GSTT4: variants seen among roughly 807,000 people sequenced by gnomAD.
GSTT4 encodes the protein glutathione S-transferase theta 4.
At chr22:23,991,850 C>T in the GSTT4 span, among the ~76,000 whole-genome samples, 20 of 128,598 alleles carry the variant, frequency 1.6e-4, 1 homozygote, top group East Asian at 2.2e-4. Context: ...GTCAGGAGAT[C>T]GAGACCATAC....
intron 1 of GSTT4, among the ~76,000 whole-genome samples, 164 bp from the exon 2 acceptor site, chr22:24,004,011 A>G (rs2034297015): frequency 6.6e-6 from 1 of 152,282 alleles, no homozygotes; most frequent in Non-Finnish European, 1.5e-5. Context: ...GCAGTTGCAG[A>G]ACCGGACTGC....
intron 4 of GSTT4, among the ~76,000 whole-genome samples, chr22:23,999,235 C>G (rs35751554): frequency 2.2e-4 from 34 of 152,272 alleles, no homozygotes; most frequent in Admixed American, 3.9e-4. Flanking sequence ...CTTTGGGAAG[C>G]CCAAGAATGG....
At chr22:23,994,081 G>C (rs1318234498), downstream of GSTT4, among the ~76,000 whole-genome samples, 1 of 152,142 alleles carries the variant, frequency 6.6e-6, no homozygotes, top group Non-Finnish European at 1.5e-5. Flanking sequence ...AAATGGAAGG[G>C]CTTTTAGCTT....
At chr22:24,004,585 G>C (rs1397865166) in intron 1 of GSTT4, 1 of 153,204 alleles carries the variant, frequency 6.5e-6, no homozygotes, top group Non-Finnish European at 1.5e-5. Context: ...GGTGTAGACG[G>C]ACTGTGCACT....
chr22:23,992,920 G>T, the GSTT4 span, among the ~76,000 whole-genome samples: 2 of 139,510 alleles, frequency 1.4e-5, no homozygotes, highest in Non-Finnish European at 3.2e-5. Context: ...GACCACATGC[G>T]CATGCCACCA....
intron 2 of GSTT4, among the ~76,000 whole-genome samples, chr22:24,002,974 T>C (rs1349965253): frequency 6.6e-6 from 1 of 152,258 alleles, no homozygotes; most frequent in African/African-American, 2.4e-5. Context: ...TGAGGTATCT[T>C]AATGGTATCG....
downstream of GSTT4, among the ~76,000 whole-genome samples, chr22:23,995,877 T>G (rs6004011): frequency 0.25 from 37,306 of 151,678 alleles, 5,600 homozygotes; most frequent in African/African-American, 0.47. Flanking sequence ...ATTTTGTTTT[T>G]CATCCTTTAT....
the GSTT4 span, among the ~76,000 whole-genome samples, chr22:23,991,670 GCTC>G: frequency 7.9e-6 from 1 of 125,998 alleles, no homozygotes; most frequent in African/African-American, 2.8e-5. Flanking sequence ...TCATCCCTTG[GCTC>G]CTAGAACTTT....
intron 2 of GSTT4, among the ~76,000 whole-genome samples, 159 bp from the exon 3 acceptor site, chr22:24,001,484 G>A (rs911093505): frequency 6.6e-5 from 10 of 152,276 alleles, no homozygotes; most frequent in Admixed American, 1.3e-4. Context: ...CTGTCTGACA[G>A]TCAGTAAGGG....
chr22:23,993,923 C>T (rs1016160354), downstream of GSTT4, among the ~76,000 whole-genome samples: 7 of 152,140 alleles, frequency 4.6e-5, no homozygotes, highest in African/African-American at 1.7e-4. Context: ...GGGGAGTTTT[C>T]CTCCCTTCCC....
chr22:24,001,212 G>A lies in GSTT4; in HGVS notation c.314C>T (p.Ala105Val), dbSNP rs2034222419. ...VDEFVAWQHT[A>V]FQLPMKKIVW... The stretch of plus-strand genomic sequence containing the variant: ...TATCTTCTTCATGGGCAGCTGAAAG[G>A]CCGTGTGTTGCCAAGCCACGAACTC... Residue 105 changes from alanine to valine, a missense_variant, in exon 3 of 5, where the codon GCC becomes GTC. Physicochemically the swap from Ala to Val is moderately conservative, Grantham distance 64. Transcript: ENST00000621179. 6.7e-6 allele frequency: 1 copy of A among 149,754 alleles called. No homozygotes were observed. The highest frequency in any genetic ancestry group is 1.5e-5 in the Non-Finnish European group (1 of 67,420). 9.3% of individuals were successfully genotyped at this position (149,754 alleles called of 1,614,324 possible). A position where few individuals can be genotyped will look rare whatever the true frequency, so the allele number is the denominator to read the frequency against.
rs1261533954 is a variant in GSTT4, at chr22:24,000,064, C to G, written c.528+11G>C. The G allele has an allele frequency of 1.9e-5, 3 of 155,886 alleles. No individual in the cohort carries two copies. Among genetic ancestry groups the G allele is most frequent in the African/African-American group, 7.2e-5 (3 of 41,530 alleles). The allele number at this position is 155,886 out of a possible 1,614,324, so 9.7% of individuals were successfully genotyped here. A position where few individuals can be genotyped will look rare whatever the true frequency, so the allele number is the denominator to read the frequency against. On this transcript the variant is annotated intron_variant, in intron 4 of 4. Transcript: ENST00000621179. ...GCCCAGGGTCTAACCCTCCTCCAAT[C>G]CACTCCACACCTGCATCATCTCCAC...
chr22:23,995,926 T>A (rs1439483800), downstream of GSTT4, among the ~76,000 whole-genome samples: 1 of 152,128 alleles, frequency 6.6e-6, no homozygotes, highest in African/African-American at 2.4e-5. Flanking sequence ...ATTAATCTTG[T>A]ACCCTGCAAC....
chr22:23,997,483 A>G (rs1251113220), downstream of GSTT4, among the ~76,000 whole-genome samples: 3 of 152,024 alleles, frequency 2.0e-5, no homozygotes, highest in South Asian at 4.2e-4. Flanking sequence ...TCTGCTTTCC[A>G]AAGTGCTGGG....
chr22:24,002,906 T>C (rs79819145), intron 2 of GSTT4, among the ~76,000 whole-genome samples: 1 of 147,592 alleles, frequency 6.8e-6, no homozygotes, highest in Non-Finnish European at 1.5e-5. Context: ...GAGATAATCA[T>C]AGAGTTTTGA....
At chr22:24,000,660 G>A (rs1217744465) in intron 3 of GSTT4, among the ~76,000 whole-genome samples, 2 of 144,998 alleles carry the variant, frequency 1.4e-5, no homozygotes, top group Non-Finnish European at 2.9e-5. Flanking sequence ...CTGGGTTCAA[G>A]CAATTGTCCT....
chr22:23,990,975 A>T, the GSTT4 span, among the ~76,000 whole-genome samples: 1 of 86,534 alleles, frequency 1.2e-5, no homozygotes, highest in African/African-American at 3.5e-5. Context: ...GTTCTAGGCC[A>T]GCCTCGGAAA....
chr22:23,997,029 A>C (rs616498), downstream of GSTT4, among the ~76,000 whole-genome samples: 1 of 152,004 alleles, frequency 6.6e-6, no homozygotes, highest in Non-Finnish European at 1.5e-5. Context: ...AGGCCTATTA[A>C]AATTTTATCT....
chr22:23,998,350 C>T (rs7291786), downstream of GSTT4: 25,039 of 151,938 alleles, frequency 0.16, 2,198 homozygotes, highest in African/African-American at 0.19. Context: ...CCACCACCCA[C>T]TCCCACATCA....
Sources: allele counts gnomAD v4.1 joint callset (sites outside exome capture counted in the v4.1 genomes callset), GRCh38; gene constraint gnomAD v4.1.1; transcripts MANE v1.5; gene names NCBI Gene and HGNC (gene_info 2026-07-23, HGNC 2026-07-21).